HARS1: variants seen among roughly 807,000 people sequenced by gnomAD.
HARS1 encodes the protein histidine--tRNA ligase, cytoplasmic.
A neutral mutation model predicts 63.6 loss-of-function variants in HARS1; 45 were observed. That is an observed-to-expected ratio of 0.71 (90% CI 0.56 to 0.91). HARS1 has a LOEUF of 0.91. Ranked by LOEUF, HARS1 falls within the 40% of genes least tolerant of loss-of-function variation. The pLI, the probability that HARS1 is intolerant of heterozygous loss-of-function variation, is 0.00. For synonymous variants in HARS1, 205 were observed against 247.1 expected (o/e 0.83, Z 1.60); for missense variants, 508 against 643.2 (o/e 0.79, Z 2.27).
chr5:140,677,240 C>T (rs1366530231), intron 8 of HARS1, 87 bp downstream of exon 8: 5 of 1,362,410 alleles, frequency 3.7e-6, no homozygotes, highest in Middle Eastern at 1.8e-4. Flanking sequence ...CACACTCACT[C>T]CCCTACATAC....
chr5:140,686,218 C>A (rs1302464804), intron 2 of HARS1, among the ~76,000 whole-genome samples: 6 of 151,340 alleles, frequency 4.0e-5, no homozygotes, highest in Non-Finnish European at 5.9e-5. Context: ...CAGGCATGAG[C>A]CACCTTGCCT....
At chr5:140,690,281 G>A (rs574193976) in intron 2 of HARS1, among the ~76,000 whole-genome samples, 62 of 152,022 alleles carry the variant, frequency 4.1e-4, no homozygotes, top group Admixed American at 6.6e-4. Context: ...GTGAAACCCC[G>A]TCTCTACTAA....
chr5:140,689,249 A>G (rs1296770697), intron 2 of HARS1, among the ~76,000 whole-genome samples: 1 of 152,220 alleles, frequency 6.6e-6, no homozygotes, highest in Non-Finnish European at 1.5e-5. Context: ...ATCATCCCTC[A>G]GTATCCACAG....
chr5:140,677,850 A>G (rs1758479906), intron 6 of HARS1, 58 bp downstream of exon 6: 2 of 1,398,558 alleles, frequency 1.4e-6, no homozygotes, highest in Non-Finnish European at 2.0e-6. Context: ...CTGCACAAGG[A>G]TCTTCTCTTG....
chr5:140,679,296 G>T lies in HARS1; in HGVS notation c.397-169C>A. The stretch of plus-strand genomic sequence containing the variant: ...AAGCATCAGCTGTGCTACCACATGA[G>T]GTAGCTGAAGGCTCAAAAAAGATTA... On this transcript the variant is annotated intron_variant, in intron 4 of 12. Transcript: ENST00000504156. This position sits in a 1 kb window ranked among gnomAD's most constrained non-coding sequence, Gnocchi z 4.3. 1.6e-6 allele frequency: 1 copy of T among 613,384 alleles called. No individual in the cohort carries two copies. 38.0% of individuals were successfully genotyped at this position (613,384 alleles called of 1,614,324 possible).
chr5:140,675,190 GCAGGCTCTAGT>G, intron 10 of HARS1, 57 bp from the exon 11 acceptor site: 1 of 1,126,042 alleles, frequency 8.9e-7, no homozygotes, highest in Non-Finnish European at 1.4e-6. Context: ...AGCAAACAAA[GCAGGCTCTAGT>G]CGGGATTTTG....
chr5:140,682,092 T>C (rs1758762115), intron 3 of HARS1, among the ~76,000 whole-genome samples: 2 of 152,126 alleles, frequency 1.3e-5, no homozygotes, highest in Non-Finnish European at 2.9e-5. Context: ...AATTAAAATC[T>C]GGCTGGCTGG....
Position 140,679,090 on chromosome 5 carries a change from G to C in HARS1, c.434C>G (p.Thr145Ser). ...TGCTATGTGGTAGCGTTTAATGTTGGTCAGTTTATTCATTGCCAAATACCG... is the reference window on the plus strand; with the variant it reads ...TGCTATGTGGTAGCGTTTAATGTTGCTCAGTTTATTCATTGCCAAATACCG... Reference protein sequence around the residue: ...FARYLAMNKLTNIKRYHIAKV... With the variant: ...FARYLAMNKLSNIKRYHIAKV... The change falls in exon 5 of 13, where the codon ACC becomes AGC. Residue 145 changes from threonine (T) to serine (S), a missense_variant. Thr to Ser is a moderately conservative substitution (Grantham distance 58). Transcript: ENST00000504156. The surrounding 1 kb of genome is among the most constrained non-coding windows in gnomAD (Gnocchi z 4.3). The C allele has an allele frequency of 6.2e-7, 1 of 1,614,000 alleles. No individual in the cohort carries two copies. The highest frequency in any genetic ancestry group is 8.5e-7 in the Non-Finnish European group (1 of 1,179,868).
At position 140,674,770 on chromosome 5, in the gene HARS1, T is replaced by A. The variant is rs1758259904; in HGVS notation, c.1367A>T (p.Glu456Val). The A allele has an allele frequency of 1.2e-6, 2 of 1,614,162 alleles. No individual in the cohort carries two copies. Among genetic ancestry groups the A allele is most frequent in the Non-Finnish European group, 1.7e-6 (2 of 1,180,000 alleles). The change falls in exon 12 of 13, where the codon GAG becomes GTG. Residue 456 changes from glutamate to valine, a missense_variant. Coordinates refer to ENST00000504156, the MANE Select transcript of HARS1 (RefSeq NM_002109.6). ...AGCCACCAGTGGGATGCCTGCCTCC[T>A]CACAGTACTGTAACTGGTTCAGTAG... ...PKLLNQLQYC[E>V]EAGIPLVAII...
At position 140,678,011 on chromosome 5, in the gene HARS1, A is replaced by T. The variant is rs745780898; in HGVS notation, c.527T>A (p.Phe176Tyr). The change falls in exon 6 of 13, where the codon TTT (phenylalanine) becomes TAT (tyrosine). Residue 176 changes from phenylalanine to tyrosine, a missense_variant. By Grantham distance (22) the Phe-to-Tyr change is conservative. This residue lies in a region of HARS1 where 403 missense variants were observed against 548.7 expected (regional missense o/e 0.73). Coordinates refer to ENST00000504156, the MANE Select transcript of HARS1 (RefSeq NM_002109.6). Reference protein sequence around the residue: ...GRYREFYQCDFDIAGNFDPMI... With the variant: ...GRYREFYQCDYDIAGNFDPMI... Reference sequence around the variant, plus strand: ...GGGATCAAAGTTCCCAGCAATGTCAAAATCCTGCAGGGAGAGGGTTAGCCA... The same window carrying T: ...GGGATCAAAGTTCCCAGCAATGTCATAATCCTGCAGGGAGAGGGTTAGCCA... 6 of 1,581,516 alleles carry T rather than the reference A, an allele frequency of 3.8e-6. No homozygotes were observed. Among genetic ancestry groups the T allele is most frequent in the Non-Finnish European group, 5.2e-6 (6 of 1,150,572 alleles).
chr5:140,676,480 T>C lies in HARS1; in HGVS notation c.1194+174A>G. 2 of 711,638 alleles carry C rather than the reference T, an allele frequency of 2.8e-6. No individual in the cohort carries two copies. Among genetic ancestry groups the C allele is most frequent in the Middle Eastern group, 2.8e-4 (1 of 3,556 alleles). 44.1% of individuals were successfully genotyped at this position (711,638 alleles called of 1,614,324 possible). On this transcript the variant is annotated intron_variant, in intron 10 of 12. Coordinates refer to ENST00000504156, the MANE Select transcript of HARS1 (RefSeq NM_002109.6). The surrounding 1 kb of genome is among the most constrained non-coding windows in gnomAD (Gnocchi z 4.1). ...GTGCAGAAAGATTATGGATTAAAGA[T>C]CCATAAAACTTACATATAATGGGGT... is the stretch of plus-strand genomic sequence containing the variant.
At position 140,684,482 on chromosome 5, in the gene HARS1, A is replaced by G; in HGVS notation, c.181-1263T>C. 3.3e-6 allele frequency: 3 copies of G among 907,404 alleles called. No homozygotes were observed. The South Asian group carries it at 1.5e-4, about 46-fold the overall frequency. 56.2% of individuals were successfully genotyped at this position (907,404 alleles called of 1,614,324 possible). On this transcript the variant is annotated intron_variant, in intron 2 of 12. Transcript: ENST00000504156. Reference sequence around the variant, plus strand: ...CTTAGTTACAACTGTTTGTTCTCTAATTTGTTTCTGGTAACAACTCTATGA... The same window carrying G: ...CTTAGTTACAACTGTTTGTTCTCTAGTTTGTTTCTGGTAACAACTCTATGA...
chr5:140,674,533 G>A, intron 12 of HARS1, 146 bp downstream of exon 12: 1 of 942,968 alleles, frequency 1.1e-6, no homozygotes, highest in Non-Finnish European at 1.7e-6. Flanking sequence ...ACCCTACTAA[G>A]ACCACAGTAA....
chr5:140,680,178 C>T (rs1263648706), intron 3 of HARS1, among the ~76,000 whole-genome samples: 7 of 149,822 alleles, frequency 4.7e-5, no homozygotes, highest in African/African-American at 1.2e-4. Context: ...AATGGAGTCT[C>T]GCTCTGTCAC....
intron 6 of HARS1, 61 bp downstream of exon 6, chr5:140,677,847 A>G (rs1211748805): frequency 3.6e-6 from 5 of 1,398,812 alleles, no homozygotes; most frequent in African/African-American, 2.8e-5. Flanking sequence ...CCTCTGCACA[A>G]GGATCTTCTC....
rs2149826917 is a variant in HARS1 at position 140,679,109 on chromosome 5, A to C, written c.415T>G (p.Leu139Val). 6.2e-7 allele frequency: 1 copy of C among 1,614,102 alleles called. No homozygotes were observed. Among genetic ancestry groups the C allele is most frequent in the Non-Finnish European group, 8.5e-7 (1 of 1,179,960 alleles). The change falls in exon 5 of 13, where the codon TTG becomes GTG. Residue 139 changes from leucine (L) to valine (V), a missense_variant. This residue lies in a region of HARS1 where 403 missense variants were observed against 548.7 expected (regional missense o/e 0.73). Transcript: ENST00000504156. The surrounding 1 kb of genome is among the most constrained non-coding windows in gnomAD (Gnocchi z 4.3). ...ATGTTGGTCAGTTTATTCATTGCCA[A>C]ATACCGAGCAAAAGGAACCTGATGA... ...YDLTVPFARY[L>V]AMNKLTNIKR...
At chr5:140,674,412 G>A in intron 12 of HARS1, 84 bp from the exon 13 acceptor site, 1 of 1,008,354 alleles carries the variant, frequency 9.9e-7, no homozygotes, top group Non-Finnish European at 1.6e-6. Flanking sequence ...AGCCCTCTAG[G>A]CATCAGGCTT....
At chr5:140,686,076 G>A (rs1325586172) in intron 2 of HARS1, among the ~76,000 whole-genome samples, 2 of 144,272 alleles carry the variant, frequency 1.4e-5, no homozygotes, top group African/African-American at 5.1e-5. Context: ...ACTACATACA[G>A]GCGCGTGCCA....
intron 3 of HARS1, 57 bp downstream of exon 3, chr5:140,683,043 T>C: frequency 6.4e-7 from 1 of 1,560,814 alleles, no homozygotes; most frequent in East Asian, 2.3e-5. Flanking sequence ...TGTCATCTTC[T>C]TTGTTATTCA....
Sources: gnomAD v4.1 joint callset for allele counts (sites outside exome capture counted in the v4.1 genomes callset) on GRCh38, gnomAD v4.1.1 for gene constraint, gnomAD v4.1.1 regional missense constraint, Gnocchi (gnomAD v3.1) non-coding constraint, MANE v1.5 for transcripts, NCBI Gene and HGNC (gene_info 2026-07-23, HGNC 2026-07-21) for gene names.